Variants in MGAT4B observed in about 807,000 individuals in gnomAD.
MGAT4B encodes N-acetylglucosaminyltransferase IVb.
In MGAT4B, 38 loss-of-function variants were observed where a neutral mutation model predicts 73.9. The observed-to-expected ratio is 0.51, with a 90% CI of 0.40 to 0.67. The LOEUF is 0.67. MGAT4B is among the 30% of genes least tolerant of loss of function. MGAT4B has a pLI of 0.00. For synonymous variants in MGAT4B, 373 were observed against 313.5 expected (o/e 1.19, Z -2.01); for missense variants, 686 against 735.2 (o/e 0.93, Z 0.77).
At chr5:179,805,464 C>T (rs1757108907) in intron 1 of MGAT4B, 1 of 152,470 alleles carries the variant, frequency 6.6e-6, no homozygotes, top group Non-Finnish European at 1.5e-5. Context: ...CCGCAGAGTC[C>T]CTGGGTGATG....
At position 179,801,445 on chromosome 5, in the gene MGAT4B, C is replaced by G. The variant is rs1049933147; in HGVS notation, c.447G>C (p.Pro149=). The G allele has an allele frequency of 2.5e-6, 4 of 1,608,418 alleles. No homozygotes were observed. The highest frequency in any genetic ancestry group is 3.4e-6 in the Non-Finnish European group (4 of 1,176,556). ...RTGVSVVMGI[P]SVRREVHSYL... ...ACGAGTGCACCTCGCGCCGCACGCT[C>G]GGGATGCCCATCACCACCGACACTA... The change falls in exon 4 of 15, where the codon CCG becomes CCC. Residue 149 remains proline, a synonymous_variant. Coordinates refer to ENST00000292591, the MANE Select transcript of MGAT4B (RefSeq NM_014275.5). This position sits in a 1 kb window ranked among gnomAD's most constrained non-coding sequence, Gnocchi z 4.8.
Position 179,799,036 on chromosome 5 carries a change from T to C in MGAT4B, c.1235A>G (p.His412Arg). Residue 412 changes from histidine (H) to arginine (R), a missense_variant, in exon 11 of 15, where the codon CAC becomes CGC. Physicochemically the swap from His to Arg is conservative, Grantham distance 29. Around this residue, in one of 2 missense-constraint regions of MGAT4B, gnomAD observed 449 missense variants for 536.8 expected, o/e 0.84. Transcript: ENST00000292591. Reference protein sequence around the residue: ...EVSTSLKTYQHFTLEKAYLRE... With the variant: ...EVSTSLKTYQRFTLEKAYLRE... ...CAGGTAGGCTTTCTCCAGGGTGAAG[T>C]GCTGGTATGTCTTCAGGCTCGTGCT... is the stretch of plus-strand genomic sequence containing the variant. 1 of 1,613,962 alleles carries C rather than the reference T, an allele frequency of 6.2e-7. No homozygotes were observed. Among genetic ancestry groups the C allele is most frequent in the South Asian group, 1.1e-5 (1 of 91,088 alleles).
At position 179,801,753 on chromosome 5, in the gene MGAT4B, C is replaced by A; in HGVS notation, c.283+31G>T. On this transcript the variant is annotated intron_variant, in intron 2 of 14. Coordinates refer to ENST00000292591, the MANE Select transcript of MGAT4B (RefSeq NM_014275.5). The surrounding 1 kb of genome is among the most constrained non-coding windows in gnomAD (Gnocchi z 4.8). ...AGGGAACCTACAACCAGCCCGCCCC[C>A]GCCTTTTCCCCCTCCCGCCCCAGAC... The A allele has an allele frequency of 2.5e-6, 4 of 1,569,548 alleles. No homozygotes were observed. Among genetic ancestry groups the A allele is most frequent in the Non-Finnish European group, 3.5e-6 (4 of 1,155,764 alleles).
In MGAT4B at chr5:179,801,352, G is replaced by A. The variant is rs756649438; in HGVS notation, c.540C>T (p.Ile180=). 14 of 1,612,154 alleles carry A rather than the reference G, an allele frequency of 8.7e-6. No individual in the cohort carries two copies. The highest frequency in any genetic ancestry group is 3.3e-5 in the South Asian group (3 of 91,016). The change falls in exon 4 of 15, where the codon ATC becomes ATT. Residue 180 remains isoleucine, a synonymous_variant. Coordinates refer to ENST00000292591, the MANE Select transcript of MGAT4B (RefSeq NM_014275.5). The surrounding 1 kb of genome is among the most constrained non-coding windows in gnomAD (Gnocchi z 4.8). ...CACTCGCCTCGGCGATCAGCACCACGATGACCGAGTCCTCCTTCTCCTGCG... is the reference window on the plus strand; with the variant it reads ...CACTCGCCTCGGCGATCAGCACCACAATGACCGAGTCCTCCTTCTCCTGCG... ...LSPQEKEDSV[I]VVLIAETDSQ...
rs760504820 is a variant in MGAT4B at position 179,801,376 on chromosome 5, C to T, written c.516G>A (p.Pro172=). The part of the protein sequence containing the change: ...TLHSLISELS[P]QEKEDSVIVV... ...CGATGACCGAGTCCTCCTTCTCCTG[C>T]GGGCTCAGCTCGGAGATGAGCGAGT... Residue 172 remains proline, a synonymous_variant, in exon 4 of 15, where the codon CCG becomes CCA. Coordinates refer to ENST00000292591, the MANE Select transcript of MGAT4B (RefSeq NM_014275.5). This position sits in a 1 kb window ranked among gnomAD's most constrained non-coding sequence, Gnocchi z 4.8. 193 of 1,612,450 alleles carry T rather than the reference C, an allele frequency of 1.2e-4. No homozygotes were observed. The highest frequency in any genetic ancestry group is 1.6e-4 in the Non-Finnish European group (183 of 1,179,440).
intron 9 of MGAT4B, 94 bp from the exon 10 acceptor site, chr5:179,799,404 C>G: frequency 6.2e-7 from 1 of 1,604,420 alleles, no homozygotes; most frequent in Non-Finnish European, 8.5e-7. Context: ...CCACAGCTGA[C>G]AGTGCTCTAT....
rs113507366 is a variant in MGAT4B at position 179,799,047 on chromosome 5, C to T, written c.1224G>A (p.Lys408=). ...TCTCCAGGGTGAAGTGCTGGTATGT[C>T]TTCAGGCTCGTGCTCACCTCTGCTG... The part of the protein sequence containing the change: ...NPPAEVSTSL[K]TYQHFTLEKA... The change falls in exon 11 of 15, where the codon AAG becomes AAA. Residue 408 remains lysine, a synonymous_variant. Coordinates refer to ENST00000292591, the MANE Select transcript of MGAT4B (RefSeq NM_014275.5). 8.6e-5 allele frequency: 138 copies of T among 1,614,012 alleles called. 8 individuals carry two copies. In the African/African-American group the frequency reaches 1.1e-3, roughly 12 times the overall value.
rs567169602 is a variant in MGAT4B at position 179,803,913 on chromosome 5, C to T, written c.98-1944G>A. On this transcript the variant is annotated intron_variant, in intron 1 of 14. Transcript: ENST00000292591. ...ACTGTGGGTCCAACTCTGTGACTGC[C>T]TCCCCATGGGCCAGGCCCTATGCCA... is the stretch of plus-strand genomic sequence containing the variant. 7 of 152,678 alleles carry T rather than the reference C, an allele frequency of 4.6e-5. No individual in the cohort carries two copies. The East Asian group carries it at 1.3e-3, about 29-fold the overall frequency. 9.5% of individuals were successfully genotyped at this position (152,678 alleles called of 1,614,324 possible). A position where few individuals can be genotyped will look rare whatever the true frequency, so the allele number is the denominator to read the frequency against.
rs138931499 is a variant in MGAT4B at position 179,798,254 on chromosome 5, C to T, written c.1534G>A (p.Glu512Lys). ...CCGAAGGCTGGGTCCACCTCTCCCT[C>T]TGCCACTCCCTTGTAGAAGGAGCCT... ...QIGSFYKGVA[E>K]GEVDPAFGPL... The change falls in exon 14 of 15, where the codon GAG becomes AAG. Residue 512 changes from glutamate (E) to lysine (K), a missense_variant. Transcript: ENST00000292591. 1.2e-6 allele frequency: 2 copies of T among 1,611,318 alleles called. No individual in the cohort carries two copies. The highest frequency in any genetic ancestry group is 1.7e-6 in the Non-Finnish European group (2 of 1,178,974).
Position 179,806,445 on chromosome 5 carries a change from C to A in MGAT4B, c.97+42G>T. The A allele has an allele frequency of 8.5e-7, 1 of 1,182,024 alleles. No homozygotes were observed. The highest frequency in any genetic ancestry group is 1.1e-6 in the Non-Finnish European group (1 of 933,130). The allele number at this position is 1,182,024 out of a possible 1,614,324, so 73.2% of individuals were successfully genotyped here. On this transcript the variant is annotated intron_variant, in intron 1 of 14. Coordinates refer to ENST00000292591, the MANE Select transcript of MGAT4B (RefSeq NM_014275.5). The surrounding 1 kb of genome is among the most constrained non-coding windows in gnomAD (Gnocchi z 4.6). ...GCCGGGCCCGCTCCCGCCGCCGACG[C>A]CCAGGTGCGCCAGGTGCGGGCCGGG...
chr5:179,800,371 C>T (rs1445277751), intron 6 of MGAT4B, 112 bp from the exon 7 acceptor site: 2 of 1,460,840 alleles, frequency 1.4e-6, no homozygotes, highest in East Asian at 2.3e-5. Context: ...TGCACGGGTC[C>T]TCCCATGGAG....
chr5:179,803,211 C>T (rs1757019093), intron 1 of MGAT4B: 2 of 985,344 alleles, frequency 2.0e-6, no homozygotes, highest in African/African-American at 3.5e-5. Flanking sequence ...CATCTCTTAC[C>T]CAAGAAGCCA....
chr5:179,799,810 G>C, intron 8 of MGAT4B, 144 bp downstream of exon 8: 1 of 1,232,838 alleles, frequency 8.1e-7, no homozygotes, highest in Non-Finnish European at 1.2e-6. Context: ...CAGGCAATGA[G>C]AACAGGCCAG....
At chr5:179,799,851 C>T (rs939873217) in intron 8 of MGAT4B, 103 bp downstream of exon 8, 29 of 1,312,644 alleles carry the variant, frequency 2.2e-5, no homozygotes, top group South Asian at 1.7e-4. Flanking sequence ...CCAGGCAGGG[C>T]CCACCTGGGC....
At position 179,800,477 on chromosome 5, in the gene MGAT4B, C is replaced by G; in HGVS notation, c.719+7G>C. On this transcript the variant is annotated splice_region_variant and intron_variant, in intron 6 of 14. Transcript: ENST00000292591. ...GGTTGCTGAGGGTATGGGGGAGTAA[C>G]TAGTACCTGACTCTCTCCTTGGGGT... is the stretch of plus-strand genomic sequence containing the variant. 1.3e-6 allele frequency: 2 copies of G among 1,581,900 alleles called. No individual in the cohort carries two copies. The highest frequency in any genetic ancestry group is 8.6e-7 in the Non-Finnish European group (1 of 1,157,942).
rs1756962243 is a variant in MGAT4B, at chr5:179,801,923, A to T, written c.144T>A (p.Asp48Glu). 1.2e-6 allele frequency: 2 copies of T among 1,613,164 alleles called. No homozygotes were observed. The highest frequency in any genetic ancestry group is 1.7e-6 in the Non-Finnish European group (2 of 1,179,930). The stretch of plus-strand genomic sequence containing the variant: ...TCTCCTGCTCAGCTGCGTGCAACCG[A>T]TCGCGCAGCGCCAGGAACTCCCGCT... ...VYQREFLALR[D>E]RLHAAEQESL... The change falls in exon 2 of 15, where the codon GAT (aspartate) becomes GAA (glutamate). Residue 48 changes from aspartate (D) to glutamate (E), a missense_variant. Around this residue, in one of 2 missense-constraint regions of MGAT4B, gnomAD observed 237 missense variants for 198.5 expected, o/e 1.19. Coordinates refer to ENST00000292591, the MANE Select transcript of MGAT4B (RefSeq NM_014275.5). The surrounding 1 kb of genome is among the most constrained non-coding windows in gnomAD (Gnocchi z 4.8).
At position 179,798,276 on chromosome 5, in the gene MGAT4B, G is replaced by A. The variant is rs765636550; in HGVS notation, c.1512C>T (p.Gly504=). ...PRSPDGYLQI[G]SFYKGVAEGE... The stretch of plus-strand genomic sequence containing the variant: ...CCTCTGCCACTCCCTTGTAGAAGGA[G>A]CCTGTGGGAGGGCAGTGGTGAGAGG... Residue 504 remains glycine, a splice_region_variant and synonymous_variant, in exon 14 of 15, where the codon GGC becomes GGT. Transcript: ENST00000292591. 5 of 1,612,622 alleles carry A rather than the reference G, an allele frequency of 3.1e-6. No homozygotes were observed. Among genetic ancestry groups the A allele is most frequent in the East Asian group, 2.2e-5 (1 of 44,876 alleles).
Position 179,798,527 on chromosome 5 carries a change from C to A in MGAT4B, c.1408G>T (p.Val470Leu), listed in dbSNP as rs567386290. ...EDKLFNTSVE[V>L]LPFDNPQSDK... ...ACCGAACTTACGTCGAAGGGCAGCA[C>A]CTCCACAGACGTGTTGAAGAGCTTG... The change falls in exon 12 of 15, where the codon GTG becomes TTG. Residue 470 changes from valine to leucine, a missense_variant. Transcript: ENST00000292591. 9 of 1,613,472 alleles carry A rather than the reference C, an allele frequency of 5.6e-6. No homozygotes were observed. Among genetic ancestry groups the A allele is most frequent in the Non-Finnish European group, 7.6e-6 (9 of 1,180,038 alleles).
At chr5:179,802,507 T>C in intron 1 of MGAT4B, 1 of 1,014,946 alleles carries the variant, frequency 9.9e-7, no homozygotes, top group Non-Finnish European at 1.2e-6. Context: ...CTCACTTCAT[T>C]GCTCAGGTGA....
Sources: gnomAD v4.1 joint callset for allele counts on GRCh38, gnomAD v4.1.1 for gene constraint, gnomAD v4.1.1 regional missense constraint, Gnocchi (gnomAD v3.1) non-coding constraint, MANE v1.5 for transcripts, NCBI Gene and HGNC (gene_info 2026-07-23, HGNC 2026-07-21) for gene names.